CHSY3: variants seen among roughly 807,000 people sequenced by gnomAD.
CHSY3 encodes chondroitin sulfate synthase 3, also known as N-acetylgalactosaminyl-proteoglycan 3-beta-glucuronosyltransferase 3.
A neutral mutation model predicts 67.2 loss-of-function variants in CHSY3; 35 were observed. The observed-to-expected ratio is 0.52, with a 90% confidence interval of 0.40 to 0.69. The LOEUF is 0.69. CHSY3 is among the 30% of genes least tolerant of loss of function. The pLI, the probability that CHSY3 is intolerant of heterozygous loss-of-function variation, is 0.00. For missense variants in CHSY3, 1,069 were observed against 1,138.5 expected (o/e 0.94, Z 0.88); for synonymous variants, 474 against 434.7 (o/e 1.09, Z -1.12).
At chr5:130,160,064 T>C (rs1352421579) in intron 2 of CHSY3, among the ~76,000 whole-genome samples, 2 of 152,208 alleles carry the variant, frequency 1.3e-5, no homozygotes, top group African/African-American at 4.8e-5. Flanking sequence ...GTTAGCACGA[T>C]TTAAAGATTA....
At chr5:129,964,492 T>C (rs1270421751) in intron 2 of CHSY3, among the ~76,000 whole-genome samples, 1 of 151,828 alleles carries the variant, frequency 6.6e-6, no homozygotes, top group African/African-American at 2.4e-5. Flanking sequence ...AGCCCAAGTG[T>C]GCATTCAGAT....
At chr5:130,182,681 C>T (rs1243552768) in intron 2 of CHSY3, among the ~76,000 whole-genome samples, 4 of 151,886 alleles carry the variant, frequency 2.6e-5, no homozygotes, top group Admixed American at 6.6e-5. Flanking sequence ...GTAGGGGATC[C>T]GTTTTTACTT....
intron 2 of CHSY3, among the ~76,000 whole-genome samples, chr5:130,112,067 G>A (rs770660872): frequency 1.3e-4 from 20 of 152,146 alleles, no homozygotes; most frequent in Middle Eastern, 3.4e-3. Flanking sequence ...GTTCCAGTCC[G>A]TTGATTCTCA....
At chr5:129,906,630 A>C (rs1288391606) in intron 1 of CHSY3, among the ~76,000 whole-genome samples, 2 of 152,200 alleles carry the variant, frequency 1.3e-5, no homozygotes, top group Non-Finnish European at 2.9e-5. Flanking sequence ...TTTAGGTCAG[A>C]GAAGTGAATC....
At chr5:130,067,235 A>G (rs1369712563) in intron 2 of CHSY3, among the ~76,000 whole-genome samples, 1 of 152,108 alleles carries the variant, frequency 6.6e-6, no homozygotes, top group Non-Finnish European at 1.5e-5. Context: ...TCTTCCTTGT[A>G]TGTACTACAA....
At chr5:130,174,939 T>A (rs1465911016) in intron 2 of CHSY3, among the ~76,000 whole-genome samples, 1 of 152,106 alleles carries the variant, frequency 6.6e-6, no homozygotes. Flanking sequence ...TGAATTACAA[T>A]GAGACATACA....
In CHSY3 at chr5:129,991,217, C is replaced by A. The variant is rs545652796; in HGVS notation, c.1086+82857C>A. ...TGATCTAGTGGCAAGGTGGGGAATT[C>A]ATTGGAGGAAGGTGATGCTGGAGTT... On this transcript the variant is annotated intron_variant, in intron 2 of 2. Coordinates refer to ENST00000305031, the MANE Select transcript of CHSY3 (RefSeq NM_175856.5). Among the ~76,000 whole-genome samples, 5 of 152,026 alleles carry A rather than the reference C, an allele frequency of 3.3e-5. No individual in the cohort carries two copies. The South Asian group carries it at 1.0e-3, about 32-fold the overall frequency.
At chr5:129,920,055 C>A (rs560120669) in intron 2 of CHSY3, among the ~76,000 whole-genome samples, 2 of 152,198 alleles carry the variant, frequency 1.3e-5, no homozygotes, top group Middle Eastern at 6.8e-3. Context: ...AAAAAACAAA[C>A]TTTTTCTATC....
chr5:130,094,963 C>CTTCTT (rs1766997753), intron 2 of CHSY3, among the ~76,000 whole-genome samples: 2 of 151,968 alleles, frequency 1.3e-5, no homozygotes, highest in Non-Finnish European at 2.9e-5. Flanking sequence ...CTAGGAGTCC[C>CTTCTT]ACTGTTAAGA....
chr5:130,091,144 GCGCA>G (rs1348924655), intron 2 of CHSY3, among the ~76,000 whole-genome samples: 11 of 136,804 alleles, frequency 8.0e-5, no homozygotes, highest in Non-Finnish European at 1.4e-4. Context: ...ACGCACACGC[GCGCA>G]CACACACACA....
Position 130,185,077 on chromosome 5 carries a change from T to C in CHSY3, c.1935T>C (p.Cys645=). The C allele has an allele frequency of 6.2e-7, 1 of 1,604,890 alleles. No individual in the cohort carries two copies. The highest frequency in any genetic ancestry group is 8.5e-7 in the Non-Finnish European group (1 of 1,171,602). Residue 645 remains cysteine, a synonymous_variant, in exon 3 of 3, where the codon TGT becomes TGC. Transcript: ENST00000305031. The part of the protein sequence containing the change: ...LRFMENFENM[C]LIPKQNVKLV... Reference sequence around the variant, plus strand: ...TCATGGAGAACTTTGAAAACATGTGTCTTATCCCAAAGCAGAATGTAAAGT... The same window carrying C: ...TCATGGAGAACTTTGAAAACATGTGCCTTATCCCAAAGCAGAATGTAAAGT...
intron 2 of CHSY3, among the ~76,000 whole-genome samples, chr5:130,044,050 GA>G (rs1765077562): frequency 6.6e-6 from 1 of 152,052 alleles, no homozygotes; most frequent in South Asian, 2.1e-4. Context: ...ATCAGAGTTG[GA>G]AATACATATG....
At chr5:129,914,625 C>G (rs537007172) in intron 2 of CHSY3, among the ~76,000 whole-genome samples, 2 of 152,304 alleles carry the variant, frequency 1.3e-5, no homozygotes, top group African/African-American at 4.8e-5. Flanking sequence ...CACTCTCATC[C>G]CACTTGTCAG....
At chr5:130,010,208 A>G (rs1471872074) in intron 2 of CHSY3, among the ~76,000 whole-genome samples, 1 of 152,132 alleles carries the variant, frequency 6.6e-6, no homozygotes, top group Non-Finnish European at 1.5e-5. Context: ...TGGCACATAC[A>G]CTAAGATCAA....
intron 2 of CHSY3, chr5:130,140,446 G>A (rs1561555385): frequency 1.8e-6 from 2 of 1,103,204 alleles, no homozygotes; most frequent in Non-Finnish European, 2.5e-6. Context: ...TGTTACCAAT[G>A]CTGTGGTCAC....
chr5:130,173,010 CTT>C (rs1769937290), intron 2 of CHSY3, among the ~76,000 whole-genome samples: 2 of 152,022 alleles, frequency 1.3e-5, no homozygotes, highest in African/African-American at 2.4e-5. Context: ...TTTCAGAAAA[CTT>C]ATATTTATGA....
chr5:130,072,405 A>G (rs979282447), intron 2 of CHSY3, among the ~76,000 whole-genome samples: 6 of 152,114 alleles, frequency 3.9e-5, no homozygotes, highest in South Asian at 2.1e-4. Flanking sequence ...AGCATCATTT[A>G]TTGAGGAGAC....
intron 1 of CHSY3, 145 bp downstream of exon 1, chr5:129,905,776 C>G: frequency 1.4e-6 from 2 of 1,442,094 alleles, no homozygotes; most frequent in Non-Finnish European, 1.8e-6. Context: ...GCCCTCCCCA[C>G]CCCTTGCATC....
chr5:130,017,803 T>A (rs886853654), intron 2 of CHSY3, among the ~76,000 whole-genome samples: 1 of 152,040 alleles, frequency 6.6e-6, no homozygotes, highest in African/African-American at 2.4e-5. Context: ...TAAAACATCA[T>A]GGAGATATTA....
Sources: gnomAD v4.1 joint callset for allele counts (sites outside exome capture counted in the v4.1 genomes callset) on GRCh38, gnomAD v4.1.1 for gene constraint, MANE v1.5 for transcripts, NCBI Gene and HGNC (gene_info 2026-07-23, HGNC 2026-07-21) for gene names.